The following YTHDC2 variants were observed in gnomAD, a reference collection of about 807,000 sequenced individuals.
The protein encoded by YTHDC2 is 3'-5' RNA helicase YTHDC2.
YTHDC2 carries 45 observed loss-of-function variants against 174.9 expected under a neutral mutation model. The observed-to-expected ratio is 0.26, with a 90% CI of 0.20 to 0.33. YTHDC2 has a LOEUF of 0.33. Among genes scored for constraint, YTHDC2 ranks in the 10% least tolerant of loss-of-function variants. The probability of loss-of-function intolerance (pLI) is 1.00; values close to 1 mark genes in which losing one functional copy is unlikely to be tolerated. For synonymous variants in YTHDC2, 657 were observed against 574.5 expected (o/e 1.14, Z -2.05); for missense variants, 1,650 against 1,723.7 (o/e 0.96, Z 0.76).
intron 20 of YTHDC2, 99 bp downstream of exon 20, chr5:113,564,230 T>A: frequency 7.6e-7 from 1 of 1,315,962 alleles, no homozygotes; most frequent in Non-Finnish European, 1.0e-6. Context: ...ATTTTAAAAT[T>A]GCATTAATTT....
intron 23 of YTHDC2, among the ~76,000 whole-genome samples, chr5:113,576,788 A>G (rs573780973): frequency 1.3e-5 from 2 of 151,952 alleles, no homozygotes; most frequent in South Asian, 4.2e-4. Context: ...AGATGTTATT[A>G]ATCTTTTTTC....
chr5:113,562,847 T>C (rs1307371833), intron 18 of YTHDC2, among the ~76,000 whole-genome samples: 1 of 152,194 alleles, frequency 6.6e-6, no homozygotes, highest in Admixed American at 6.5e-5. Flanking sequence ...CCCTATAGCC[T>C]TCATAGCACT....
chr5:113,525,303 A>G lies in YTHDC2; in HGVS notation c.475+126A>G, dbSNP rs561174037. On this transcript the variant is annotated intron_variant, in intron 3 of 29. Coordinates refer to ENST00000161863, the MANE Select transcript of YTHDC2 (RefSeq NM_022828.5). ...TCTCAATTGGAATAGTTTGTTAGAA[A>G]TGATTAAGAGTTGTAAAAATTTGAA... The G allele has an allele frequency of 6.4e-5, 56 of 879,172 alleles. No individual in the cohort carries two copies. In the African/African-American group the frequency reaches 8.9e-4, roughly 14 times the overall value. The allele number at this position is 879,172 out of a possible 1,614,324, so 54.5% of individuals were successfully genotyped here. A position where few individuals can be genotyped will look rare whatever the true frequency, so the allele number is the denominator to read the frequency against.
intron 10 of YTHDC2, among the ~76,000 whole-genome samples, chr5:113,543,602 C>A (rs1775633770): frequency 6.6e-6 from 1 of 152,220 alleles, no homozygotes; most frequent in Non-Finnish European, 1.5e-5. Flanking sequence ...CTGATCCTTT[C>A]ATAAAGGAAA....
chr5:113,567,088 C>G lies in YTHDC2; in HGVS notation c.2843-4C>G. ...AAAATTGGTGTGGTTTTTTTCCCCT[C>G]TAGGTTTTGTTAGAGCACGAGGTGG... On this transcript the variant is annotated splice_region_variant and splice_polypyrimidine_tract_variant and intron_variant, in intron 21 of 29. Transcript: ENST00000161863. The G allele has an allele frequency of 1.2e-6, 2 of 1,609,926 alleles. No homozygotes were observed. The highest frequency in any genetic ancestry group is 1.7e-6 in the Non-Finnish European group (2 of 1,178,634).
intron 23 of YTHDC2, among the ~76,000 whole-genome samples, chr5:113,574,017 C>T (rs953733989): frequency 4.6e-5 from 7 of 152,200 alleles, no homozygotes; most frequent in Non-Finnish European, 1.5e-5. Flanking sequence ...AGAGGTATCA[C>T]AATCATTTGG....
chr5:113,561,136 A>G lies in YTHDC2; in HGVS notation c.2273A>G (p.Gln758Arg). 6.2e-7 allele frequency: 1 copy of G among 1,613,302 alleles called. No homozygotes were observed. Among genetic ancestry groups the G allele is most frequent in the Non-Finnish European group, 8.5e-7 (1 of 1,179,534 alleles). The change falls in exon 18 of 30, where the codon CAG (glutamine) becomes CGG (arginine). Residue 758 changes from glutamine to arginine, a missense_variant. Gln to Arg is a conservative substitution (Grantham distance 43). Transcript: ENST00000161863. ...CGTCTGTTCAGTAGACTCCGATTCC[A>G]GAATATGTTGGAATTTCAGACTCCG... is the stretch of plus-strand genomic sequence containing the variant. Reference protein sequence around the residue: ...CFRLFSRLRFQNMLEFQTPEL... With the variant: ...CFRLFSRLRFRNMLEFQTPEL...
chr5:113,553,253 A>C lies in YTHDC2; in HGVS notation c.1761A>C (p.Glu587Asp). Residue 587 changes from glutamate (E) to aspartate (D), a missense_variant, in exon 13 of 30, where the codon GAA (glutamate) becomes GAC (aspartate). Physicochemically the swap from Glu to Asp is conservative, Grantham distance 45. Around this residue, in one of 5 missense-constraint regions of YTHDC2, gnomAD observed 411 missense variants for 380.6 expected, o/e 1.08. Coordinates refer to ENST00000161863, the MANE Select transcript of YTHDC2 (RefSeq NM_022828.5). The part of the protein sequence containing the change: ...VQTNGSDLSA[E>D]DRELLKAYHH... ...CAAATGGAAGTGACCTCAGTGCTGA[A>C]GACAGAGAGCTCCTGAAAGCTTATC... is the stretch of plus-strand genomic sequence containing the variant. 1 of 1,609,086 alleles carries C rather than the reference A, an allele frequency of 6.2e-7. No homozygotes were observed. The highest frequency in any genetic ancestry group is 8.5e-7 in the Non-Finnish European group (1 of 1,177,630).
intron 2 of YTHDC2, among the ~76,000 whole-genome samples, chr5:113,521,644 C>T (rs1773865411): frequency 6.6e-6 from 1 of 151,242 alleles, no homozygotes; most frequent in Non-Finnish European, 1.5e-5. Flanking sequence ...GACAGGAGAA[C>T]TGCTTGAACC....
chr5:113,547,378 C>T (rs1246069685), intron 10 of YTHDC2, among the ~76,000 whole-genome samples: 5 of 152,120 alleles, frequency 3.3e-5, no homozygotes, highest in Non-Finnish European at 7.4e-5. Flanking sequence ...GAAACAACAA[C>T]AACAAACCCA....
intron 6 of YTHDC2, among the ~76,000 whole-genome samples, chr5:113,534,829 G>T (rs936436555): frequency 6.6e-6 from 1 of 152,048 alleles, no homozygotes; most frequent in African/African-American, 2.4e-5. Flanking sequence ...TGATTAAGCT[G>T]CTAAATTAAC....
intron 4 of YTHDC2, 83 bp from the exon 5 acceptor site, chr5:113,532,796 C>G: frequency 1.6e-6 from 2 of 1,266,508 alleles, no homozygotes; most frequent in Non-Finnish European, 2.2e-6. Context: ...AACTTCAATT[C>G]TAGTGGTTTT....
chr5:113,517,476 G>A (rs1773516319), intron 2 of YTHDC2: 2 of 448,324 alleles, frequency 4.5e-6, no homozygotes, highest in Non-Finnish European at 4.5e-6. Context: ...TCATGTAAGA[G>A]CTGATCTGGA....
At chr5:113,584,990 C>T (rs1419333335) in intron 26 of YTHDC2, among the ~76,000 whole-genome samples, 2 of 150,306 alleles carry the variant, frequency 1.3e-5, no homozygotes, top group Non-Finnish European at 3.0e-5. Flanking sequence ...TTTGTTGCCT[C>T]GGTTGGCCTC....
intron 1 of YTHDC2, 94 bp from the exon 2 acceptor site, chr5:113,515,178 C>A (rs1773320263): frequency 5.1e-6 from 4 of 791,224 alleles, no homozygotes; most frequent in Non-Finnish European, 8.3e-6. Context: ...ATTTGATTGT[C>A]TATGTATGTT....
chr5:113,564,370 A>G (rs974159481), intron 20 of YTHDC2, among the ~76,000 whole-genome samples: 1 of 152,064 alleles, frequency 6.6e-6, no homozygotes, highest in African/African-American at 2.4e-5. Context: ...ATTTGTATAT[A>G]TATTTATTTG....
At chr5:113,578,258 T>A (rs1778190577) in intron 23 of YTHDC2, among the ~76,000 whole-genome samples, 1 of 152,014 alleles carries the variant, frequency 6.6e-6, no homozygotes, top group South Asian at 2.1e-4. Flanking sequence ...AGTGGTGCAG[T>A]AGTCATAGCT....
At position 113,524,008 on chromosome 5, in the gene YTHDC2, T is replaced by A. The variant is rs181912713; in HGVS notation, c.279-973T>A. 1.5e-4 allele frequency among the ~76,000 whole-genome samples: 23 copies of A among 152,204 alleles called. No individual in the cohort carries two copies. The East Asian group carries it at 2.1e-3, about 14-fold the overall frequency. ...AATAATAGTTTTCATTTATTTAGAGTCTACTCTGCAACAGATACTGCACTT... is the reference window on the plus strand; with the variant it reads ...AATAATAGTTTTCATTTATTTAGAGACTACTCTGCAACAGATACTGCACTT... On this transcript the variant is annotated intron_variant, in intron 2 of 29. Coordinates refer to ENST00000161863, the MANE Select transcript of YTHDC2 (RefSeq NM_022828.5).
At chr5:113,549,701 T>C (rs767529570) in intron 12 of YTHDC2, among the ~76,000 whole-genome samples, 5 of 152,068 alleles carry the variant, frequency 3.3e-5, no homozygotes, top group African/African-American at 4.8e-5. Flanking sequence ...CCCCACGCAA[T>C]GTCCATCCTC....
Sources: gnomAD v4.1 joint callset for allele counts (sites outside exome capture counted in the v4.1 genomes callset) on GRCh38, gnomAD v4.1.1 for gene constraint, gnomAD v4.1.1 regional missense constraint, MANE v1.5 for transcripts, NCBI Gene and HGNC (gene_info 2026-07-23, HGNC 2026-07-21) for gene names.